The following XPNPEP2 variants were observed in gnomAD, a reference collection of about 807,000 sequenced individuals.
XPNPEP2 encodes the protein X-prolyl aminopeptidase 2.
A neutral mutation model predicts 59.8 loss-of-function variants in XPNPEP2; 64 were observed. The observed-to-expected ratio is 1.07, with a 90% confidence interval of 0.87 to 1.32. The LOEUF (loss-of-function observed/expected upper bound fraction) is 1.32. Ranked by LOEUF, XPNPEP2 falls within the 40% of genes most tolerant of loss-of-function variation. The pLI is 0.00. For synonymous variants in XPNPEP2, 235 were observed against 210.0 expected (o/e 1.12, Z -1.03); for missense variants, 575 against 546.8 (o/e 1.05, Z -0.51).
At chrX:129,745,319 C>T in intron 4 of XPNPEP2, 53 bp downstream of exon 4, 1 of 1,177,837 alleles carries the variant, frequency 8.5e-7, no homozygotes, top group Admixed American at 2.2e-5. Flanking sequence ...CAGAGGTGGT[C>T]ACAGAGGACC....
chrX:129,762,049 C>T lies in XPNPEP2; in HGVS notation c.1647C>T (p.Gly549=). The change falls in exon 18 of 21, where the codon GGC becomes GGT. Residue 549 remains glycine (G), a synonymous_variant. Transcript: ENST00000371106. The part of the protein sequence containing the change: ...FQSNNIAMAK[G]MFTSIEPGYY... ...CCAACAACATCGCTATGGCCAAGGG[C>T]ATGTTCACTTCCATTGGTATGGCCC... 8.3e-7 allele frequency: 1 copy of T among 1,211,673 alleles called. No homozygotes were observed. The highest frequency in any genetic ancestry group is 1.1e-6 in the Non-Finnish European group (1 of 895,253).
In XPNPEP2 at chrX:129,741,983, G is replaced by T. The variant is rs1490168980; in HGVS notation, c.50-125G>T. 7.1e-6 allele frequency: 4 copies of T among 561,168 alleles called. No homozygotes were observed. In the South Asian group the frequency reaches 9.0e-5, roughly 13 times the overall value. The allele number at this position is 561,168 out of a possible 1,213,427, so 46.2% of individuals were successfully genotyped here. On this transcript the variant is annotated intron_variant, in intron 1 of 20. Transcript: ENST00000371106. ...ATGTGATTATTTTTATCCTCAAGTA[G>T]AGCTGGCCAGCTTCGTGCGTTTCAA...
intron 19 of XPNPEP2, among the ~76,000 whole-genome samples, chrX:129,765,635 C>CTTTTTTTTT (rs56014067): frequency 8.8e-4 from 59 of 67,324 alleles, no homozygotes; most frequent in Middle Eastern, 9.4e-3. Context: ...TTCTTTCTTT[C>CTTTTTTTTT]TTTTTTTTTT....
chrX:129,757,887 GAGAGAGAGAAAGAAAGAA>G (rs1222604098), intron 14 of XPNPEP2, among the ~76,000 whole-genome samples: 1,060 of 82,618 alleles, frequency 0.013, 40 homozygotes, highest in African/African-American at 0.053. Context: ...GAGAGAGAGA[GAGAGAGAGAAAGAAAGAA>G]AGAAAGAAAG....
intron 8 of XPNPEP2, 65 bp from the exon 9 acceptor site, chrX:129,751,680 G>T: frequency 1.0e-6 from 1 of 957,048 alleles, no homozygotes; most frequent in Non-Finnish European, 1.5e-6. Flanking sequence ...AGGAAAAAAA[G>T]AGGAAAAGAA....
In XPNPEP2 at chrX:129,768,570, A is replaced by C; in HGVS notation, c.*85A>C. Reference sequence around the variant, plus strand: ...CCTCACCCTGCACTGAACATACCCCAAGAGCCCCTGCTGGCCCATTGCCTA... The same window carrying C: ...CCTCACCCTGCACTGAACATACCCCCAGAGCCCCTGCTGGCCCATTGCCTA... On this transcript the variant is annotated 3_prime_UTR_variant, in exon 21 of 21. Transcript: ENST00000371106. The C allele has an allele frequency of 3.5e-6, 3 of 860,355 alleles. No homozygotes were observed. Among genetic ancestry groups the C allele is most frequent in the Non-Finnish European group, 4.6e-6 (3 of 650,579 alleles). The allele number at this position is 860,355 out of a possible 1,213,427, so 70.9% of individuals were successfully genotyped here.
intron 1 of XPNPEP2, 34 bp from the exon 2 acceptor site, chrX:129,742,048 TTCCCTCTCTAGGAACTAGCTGGTCCC>T: frequency 9.0e-7 from 1 of 1,116,678 alleles, no homozygotes; most frequent in Non-Finnish European, 1.2e-6. Flanking sequence ...AGGATACTCC[TTCCCTCTCTAGGAACTAGCTGGTCCC>T]CAAATGACCC....
At chrX:129,758,843 C>T (rs763254898) in intron 14 of XPNPEP2, among the ~76,000 whole-genome samples, 1 of 111,913 alleles carries the variant, frequency 8.9e-6, no homozygotes, top group Non-Finnish European at 1.9e-5. Flanking sequence ...CCCTTTCTGC[C>T]TCCCAGGAAG....
chrX:129,750,838 T>C (rs2124026332), intron 8 of XPNPEP2, among the ~76,000 whole-genome samples: 1 of 112,129 alleles, frequency 8.9e-6, no homozygotes, highest in East Asian at 2.8e-4. Flanking sequence ...AGCAAAGTGC[T>C]TCTGTCCCAC....
At chrX:129,757,555 C>T (rs1441686224) in intron 14 of XPNPEP2, among the ~76,000 whole-genome samples, 2 of 108,003 alleles carry the variant, frequency 1.9e-5, no homozygotes, top group Non-Finnish European at 3.8e-5. Context: ...CCTGTAATCC[C>T]AGCACTTTGG....
intron 1 of XPNPEP2, among the ~76,000 whole-genome samples, chrX:129,741,403 A>G (rs754075962): frequency 8.9e-6 from 1 of 112,266 alleles, no homozygotes; most frequent in South Asian, 3.7e-4. Flanking sequence ...CAAGTTACCA[A>G]ATCTATCTGG....
intron 15 of XPNPEP2, among the ~76,000 whole-genome samples, chrX:129,760,043 G>A (rs1261084367): frequency 8.9e-6 from 1 of 112,382 alleles, no homozygotes; most frequent in Non-Finnish European, 1.9e-5. Flanking sequence ...CTTCCGTGAA[G>A]CATGCACGCT....
intron 1 of XPNPEP2, among the ~76,000 whole-genome samples, chrX:129,739,500 G>A (rs1048770550): frequency 4.5e-5 from 5 of 112,058 alleles, no homozygotes; most frequent in African/African-American, 1.3e-4. Flanking sequence ...TCGTTAAAAC[G>A]GTAAGGAAAA....
At chrX:129,767,730 G>A (rs1602915798) in intron 20 of XPNPEP2, 38 bp downstream of exon 20, 1 of 1,179,894 alleles carries the variant, frequency 8.5e-7, no homozygotes, top group African/African-American at 1.8e-5. Flanking sequence ...CCTGACCCTG[G>A]GCCTTTCCTG....
intron 10 of XPNPEP2, 21 bp downstream of exon 10, chrX:129,752,366 C>A (rs1296028522): frequency 8.3e-7 from 1 of 1,202,831 alleles, no homozygotes; most frequent in Non-Finnish European, 1.1e-6. Flanking sequence ...CAGGCCCCAG[C>A]CCAAGCCAGG....
chrX:129,765,208 C>T (rs1449286453), intron 19 of XPNPEP2, among the ~76,000 whole-genome samples: 1 of 111,671 alleles, frequency 9.0e-6, no homozygotes, highest in Non-Finnish European at 1.9e-5. Context: ...GGGAGATCTA[C>T]CTCATTCTTT....
At chrX:129,763,760 A>G (rs761696309) in intron 19 of XPNPEP2, among the ~76,000 whole-genome samples, 31 of 112,082 alleles carry the variant, frequency 2.8e-4, no homozygotes, top group Non-Finnish European at 2.3e-4. Flanking sequence ...GATGAAATAG[A>G]TAGCTGTAAC....
chrX:129,763,369 C>A (rs778324016), intron 19 of XPNPEP2, among the ~76,000 whole-genome samples: 26 of 112,210 alleles, frequency 2.3e-4, no homozygotes, highest in Middle Eastern at 4.6e-3. Context: ...TAGGAAAATT[C>A]TGAAAAAGAA....
intron 8 of XPNPEP2, among the ~76,000 whole-genome samples, 172 bp from the exon 9 acceptor site, chrX:129,751,570 GAAA>G (rs1569476541): frequency 2.3e-3 from 155 of 68,845 alleles, no homozygotes; most frequent in African/African-American, 6.7e-3. Flanking sequence ...AAGAAAGAAA[GAAA>G]GAAAGAAAGA....
Sources: gnomAD v4.1 joint callset for allele counts (sites outside exome capture counted in the v4.1 genomes callset) on GRCh38, gnomAD v4.1.1 for gene constraint, MANE v1.5 for transcripts, NCBI Gene and HGNC (gene_info 2026-07-23, HGNC 2026-07-21) for gene names.